Variants in MGAT4C observed in about 807,000 individuals in gnomAD.
The protein encoded by MGAT4C is alpha-1,3-mannosyl-glycoprotein 4-beta-N-acetylglucosaminyltransferase C.
A neutral mutation model predicts 40.1 loss-of-function variants in MGAT4C; 19 were observed. The observed-to-expected ratio is 0.47, with a 90% CI of 0.33 to 0.70. The LOEUF (loss-of-function observed/expected upper bound fraction) is 0.70, where lower values mean the gene tolerates loss of function less well. Among genes scored for constraint, MGAT4C ranks in the 30% least tolerant of loss-of-function variants. MGAT4C has a pLI of 0.02. For missense variants in MGAT4C, 491 were observed against 563.2 expected (o/e 0.87, Z 1.30); for synonymous variants, 181 against 187.1 (o/e 0.97, Z 0.27).
chr12:86,456,252 C>T (rs1054202272), intron 2 of MGAT4C, among the ~76,000 whole-genome samples: 1 of 151,988 alleles, frequency 6.6e-6, no homozygotes. Context: ...TCATCATCAT[C>T]ATGATGTTAC....
chr12:86,791,405 T>C (rs905616226), intron 1 of MGAT4C, among the ~76,000 whole-genome samples: 13 of 151,410 alleles, frequency 8.6e-5, no homozygotes, highest in African/African-American at 3.2e-4. Flanking sequence ...AAATTTTTAA[T>C]GCAAAGAAAC....
At chr12:86,157,484 G>A (rs1340842747) in intron 1 of MGAT4C, among the ~76,000 whole-genome samples, 3 of 152,040 alleles carry the variant, frequency 2.0e-5, no homozygotes, top group South Asian at 2.1e-4. Flanking sequence ...TAATATGCAT[G>A]TTCTTGTTAT....
chr12:86,138,258 A>G (rs1056709663), intron 1 of MGAT4C, among the ~76,000 whole-genome samples: 2 of 150,862 alleles, frequency 1.3e-5, no homozygotes, highest in African/African-American at 2.4e-5. Flanking sequence ...ATTGCACTCT[A>G]TACCCCCTCC....
intron 2 of MGAT4C, among the ~76,000 whole-genome samples, chr12:86,589,637 T>C (rs1015499304): frequency 2.0e-5 from 3 of 151,970 alleles, no homozygotes; most frequent in Admixed American, 6.6e-5. Flanking sequence ...TGATGAACAT[T>C]GACGCAAAAA....
intron 2 of MGAT4C, among the ~76,000 whole-genome samples, chr12:86,512,060 G>GA (rs1017833295): frequency 6.6e-5 from 10 of 151,260 alleles, no homozygotes. Flanking sequence ...AAACAAACAA[G>GA]AAAAAAAGGA....
intron 3 of MGAT4C, among the ~76,000 whole-genome samples, chr12:86,342,674 C>T (rs975540661): frequency 5.3e-5 from 8 of 152,080 alleles, no homozygotes; most frequent in South Asian, 2.1e-4. Context: ...CTCCTGATCT[C>T]GTGATCCGCC....
At chr12:86,555,774 T>C (rs2136402051) in intron 2 of MGAT4C, among the ~76,000 whole-genome samples, 1 of 152,298 alleles carries the variant, frequency 6.6e-6, no homozygotes, top group East Asian at 1.9e-4. Flanking sequence ...CTTTGTTTGA[T>C]CACCAATAAA....
intron 2 of MGAT4C, among the ~76,000 whole-genome samples, chr12:86,488,770 T>C (rs962255101): frequency 5.3e-5 from 8 of 152,204 alleles, no homozygotes; most frequent in Non-Finnish European, 7.3e-5. Context: ...GAGCACATTA[T>C]ATCATATGAT....
intron 1 of MGAT4C, among the ~76,000 whole-genome samples, chr12:86,218,431 T>G (rs1291931359): frequency 6.6e-6 from 1 of 152,202 alleles, no homozygotes; most frequent in East Asian, 1.9e-4. Flanking sequence ...TTGAGACACC[T>G]CAAAAGGCTC....
intron 1 of MGAT4C, among the ~76,000 whole-genome samples, chr12:86,820,084 A>G (rs1952679665): frequency 6.6e-6 from 1 of 150,924 alleles, no homozygotes; most frequent in South Asian, 2.1e-4. Flanking sequence ...TATTACAAAA[A>G]ATAAAGATGC....
chr12:86,651,417 G>A (rs1963693855), intron 2 of MGAT4C, among the ~76,000 whole-genome samples: 1 of 151,776 alleles, frequency 6.6e-6, no homozygotes, highest in African/African-American at 2.4e-5. Context: ...CAAATTAGAA[G>A]TTTTGTCATT....
intron 1 of MGAT4C, among the ~76,000 whole-genome samples, chr12:86,821,810 A>G (rs992112266): frequency 6.6e-6 from 1 of 151,026 alleles, no homozygotes; most frequent in Non-Finnish European, 1.5e-5. Context: ...AAACCCTGAC[A>G]AAGGTTTAAA....
chr12:86,689,674 C>T (rs1270392073), intron 2 of MGAT4C, among the ~76,000 whole-genome samples: 1 of 152,188 alleles, frequency 6.6e-6, no homozygotes, highest in Non-Finnish European at 1.5e-5. Context: ...CTGCCTTCTT[C>T]TTCCTCTGAA....
intron 2 of MGAT4C, among the ~76,000 whole-genome samples, chr12:86,536,580 C>T (rs1959072480): frequency 6.6e-6 from 1 of 151,946 alleles, no homozygotes; most frequent in Non-Finnish European, 1.5e-5. Context: ...CCTCTTTAAG[C>T]ATTCAGGTAG....
chr12:86,516,341 C>T (rs927491605), intron 2 of MGAT4C, among the ~76,000 whole-genome samples: 14 of 152,106 alleles, frequency 9.2e-5, no homozygotes, highest in South Asian at 2.1e-4. Context: ...GATAATTCAG[C>T]GGAGGAAAGA....
chr12:86,445,117 G>A (rs1957310454), intron 2 of MGAT4C, among the ~76,000 whole-genome samples: 1 of 152,048 alleles, frequency 6.6e-6, no homozygotes, highest in Admixed American at 6.6e-5. Context: ...TGTCATGATG[G>A]TTTCAGTAGT....
intron 2 of MGAT4C, chr12:86,013,706 C>G (rs922121320): frequency 8.1e-6 from 8 of 983,966 alleles, no homozygotes; most frequent in Non-Finnish European, 9.6e-6. Context: ...TGTTTACAAA[C>G]CACCAACAAA....
chr12:86,123,566 C>A (rs963391654), intron 1 of MGAT4C, among the ~76,000 whole-genome samples: 12 of 152,034 alleles, frequency 7.9e-5, no homozygotes, highest in African/African-American at 2.9e-4. Context: ...ACAAGAATAT[C>A]TAACATTTAT....
Position 86,192,315 on chromosome 12 carries a change from G to A in MGAT4C, c.-57+63924C>T, listed in dbSNP as rs543644736. Among the ~76,000 whole-genome samples, 8 of 152,098 alleles carry A rather than the reference G, an allele frequency of 5.3e-5. No individual in the cohort carries two copies. The South Asian group carries it at 1.2e-3, about 24-fold the overall frequency. Reference sequence around the variant, plus strand: ...TTAGGGCACTGATTAGGAAGAAATGGAATCCTCAAAATTAGAGTGGGACAT... The same window carrying A: ...TTAGGGCACTGATTAGGAAGAAATGAAATCCTCAAAATTAGAGTGGGACAT... On this transcript the variant is annotated intron_variant, in intron 1 of 4. Transcript: ENST00000611864.
Sources: allele counts gnomAD v4.1 joint callset (sites outside exome capture counted in the v4.1 genomes callset), GRCh38; gene constraint gnomAD v4.1.1; transcripts MANE v1.5; gene names NCBI Gene and HGNC (gene_info 2026-07-23, HGNC 2026-07-21).